Variants in SLC35F1 observed in about 807,000 individuals in gnomAD.
SLC35F1 encodes solute carrier family 35 member F1.
A neutral mutation model predicts 48.7 loss-of-function variants in SLC35F1; 14 were observed. The ratio of observed to expected loss-of-function variants is 0.29; its 90% CI spans 0.19 to 0.45. SLC35F1 has a LOEUF of 0.45. SLC35F1 is among the 20% of genes least tolerant of loss of function. The probability of loss-of-function intolerance (pLI) is 1.00; values close to 1 mark genes in which losing one functional copy is unlikely to be tolerated. For synonymous variants in SLC35F1, 190 were observed against 202.2 expected (o/e 0.94, Z 0.51); for missense variants, 404 against 500.0 (o/e 0.81, Z 1.83).
intron 1 of SLC35F1, among the ~76,000 whole-genome samples, chr6:118,019,378 G>GAT (rs1777364360): frequency 6.6e-6 from 1 of 152,044 alleles, no homozygotes; most frequent in South Asian, 2.1e-4. Context: ...CTAAGATATT[G>GAT]ATATACGCTG....
At chr6:118,190,622 A>G (rs544473862) in intron 2 of SLC35F1, among the ~76,000 whole-genome samples, 2 of 152,146 alleles carry the variant, frequency 1.3e-5, no homozygotes, top group Non-Finnish European at 2.9e-5. Flanking sequence ...CCACTTGAAG[A>G]GAGACCATTT....
intron 1 of SLC35F1, among the ~76,000 whole-genome samples, chr6:118,104,342 G>A (rs1488928116): frequency 1.3e-5 from 2 of 152,118 alleles, no homozygotes; most frequent in African/African-American, 4.8e-5. Context: ...TTAACTACAA[G>A]ATCCTGAGCA....
chr6:118,241,313 C>G (rs1775437629), intron 3 of SLC35F1, among the ~76,000 whole-genome samples: 1 of 152,206 alleles, frequency 6.6e-6, no homozygotes, highest in Non-Finnish European at 1.5e-5. Context: ...TAAAGAGTCA[C>G]TCCTTGCTCT....
At chr6:118,049,228 G>C (rs1224438139) in intron 1 of SLC35F1, among the ~76,000 whole-genome samples, 1 of 152,166 alleles carries the variant, frequency 6.6e-6, no homozygotes, top group East Asian at 1.9e-4. Context: ...ATGGATTAAA[G>C]ACTTAAATGT....
At chr6:118,146,406 T>C (rs888304029) in intron 1 of SLC35F1, among the ~76,000 whole-genome samples, 9 of 152,182 alleles carry the variant, frequency 5.9e-5, no homozygotes, top group Admixed American at 5.9e-4. Flanking sequence ...GATTTCTCAC[T>C]GACCAGCCAA....
intron 2 of SLC35F1, among the ~76,000 whole-genome samples, chr6:118,170,631 G>A (rs867649847): frequency 1.4e-4 from 21 of 152,010 alleles, no homozygotes; most frequent in African/African-American, 5.1e-4. Flanking sequence ...TATACAGACA[G>A]GGTTTCACCA....
chr6:117,957,102 A>C (rs1383307485), intron 1 of SLC35F1, among the ~76,000 whole-genome samples: 1 of 151,594 alleles, frequency 6.6e-6, no homozygotes, highest in Non-Finnish European at 1.5e-5. Flanking sequence ...GTGATTTGTG[A>C]CTCTGCCTGT....
At chr6:118,309,783 T>C (rs1026841518) in intron 7 of SLC35F1, among the ~76,000 whole-genome samples, 5 of 152,202 alleles carry the variant, frequency 3.3e-5, no homozygotes, top group Non-Finnish European at 7.3e-5. Context: ...ATCAACCAAA[T>C]AGCAATCAAA....
chr6:117,929,055 C>T (rs928196111), intron 1 of SLC35F1, among the ~76,000 whole-genome samples: 7 of 152,078 alleles, frequency 4.6e-5, no homozygotes, highest in African/African-American at 1.2e-4. Flanking sequence ...TCACCACATC[C>T]GGACAATGAG....
chr6:118,087,554 CATT>C (rs1333433165), intron 1 of SLC35F1, among the ~76,000 whole-genome samples: 1 of 152,084 alleles, frequency 6.6e-6, no homozygotes, highest in African/African-American at 2.4e-5. Context: ...ATCAGCAAGT[CATT>C]ATGATTGTCT....
intron 1 of SLC35F1, among the ~76,000 whole-genome samples, chr6:118,067,055 G>T (rs1387162026): frequency 2.2e-4 from 34 of 152,134 alleles, no homozygotes; most frequent in Non-Finnish European, 3.4e-4. Flanking sequence ...TGACACAGAG[G>T]AGAAGCTCTA....
intron 1 of SLC35F1, among the ~76,000 whole-genome samples, chr6:118,138,903 G>A (rs1773839441): frequency 1.3e-5 from 2 of 151,934 alleles, no homozygotes; most frequent in Non-Finnish European, 2.9e-5. Context: ...TGAGATAGGT[G>A]CATCATATCA....
chr6:118,160,965 G>A (rs1267316813), intron 2 of SLC35F1, among the ~76,000 whole-genome samples: 1 of 149,500 alleles, frequency 6.7e-6, no homozygotes, highest in Non-Finnish European at 1.5e-5. Context: ...GGTAATTGTT[G>A]TTTCTTCCAA....
intron 1 of SLC35F1, among the ~76,000 whole-genome samples, chr6:117,928,777 C>A (rs1400532408): frequency 2.6e-5 from 4 of 152,078 alleles, no homozygotes; most frequent in Non-Finnish European, 5.9e-5. Context: ...CAGCTTGCTT[C>A]AATGAGCTGT....
intron 2 of SLC35F1, among the ~76,000 whole-genome samples, chr6:118,175,226 A>G (rs1191713341): frequency 6.6e-6 from 1 of 152,128 alleles, no homozygotes; most frequent in Non-Finnish European, 1.5e-5. Context: ...CAAAGCCTCA[A>G]TTTTCCACTT....
chr6:118,052,537 A>C (rs1182208401), intron 1 of SLC35F1, among the ~76,000 whole-genome samples: 1 of 152,234 alleles, frequency 6.6e-6, no homozygotes, highest in East Asian at 1.9e-4. Context: ...GGAAACCAGC[A>C]CAGAATTTTA....
At chr6:118,176,350 G>C (rs1774488507) in intron 2 of SLC35F1, among the ~76,000 whole-genome samples, 1 of 152,048 alleles carries the variant, frequency 6.6e-6, no homozygotes, top group Non-Finnish European at 1.5e-5. Context: ...GGAGGAGATT[G>C]ATTAATTCCC....
chr6:118,083,321 A>T (rs1005632413), intron 1 of SLC35F1, among the ~76,000 whole-genome samples: 5 of 152,216 alleles, frequency 3.3e-5, no homozygotes, highest in Non-Finnish European at 7.3e-5. Context: ...CTTTTCCAAG[A>T]TAAGTGGGCT....
rs551598825 is a variant in SLC35F1 at position 118,287,547 on chromosome 6, T to TA, written c.1002+2214dup. Among the ~76,000 whole-genome samples the TA allele has an allele frequency of 1.1e-3, 169 of 152,282 alleles. No individual in the cohort carries two copies. The East Asian group carries it at 0.02, about 18-fold the overall frequency. On this transcript the variant is annotated intron_variant, in intron 7 of 7. Transcript: ENST00000360388. The stretch of plus-strand genomic sequence containing the variant: ...AATCTGGTTTCACTGGGGTGCTTGA[T>TA]AAAAATGCAGATTTTTGGGCCACAC...
Sources: allele counts gnomAD v4.1 joint callset (sites outside exome capture counted in the v4.1 genomes callset), GRCh38; gene constraint gnomAD v4.1.1; transcripts MANE v1.5; gene names NCBI Gene and HGNC (gene_info 2026-07-23, HGNC 2026-07-21).